Variants in AKT3 observed in about 807,000 individuals in gnomAD.
AKT3 encodes the protein RAC-gamma serine/threonine-protein kinase.
AKT3 carries 15 observed loss-of-function variants against 65.3 expected under a neutral mutation model. The ratio of observed to expected loss-of-function variants is 0.23; its 90% confidence interval spans 0.15 to 0.35. The LOEUF (loss-of-function observed/expected upper bound fraction) is 0.35. Ranked by LOEUF, AKT3 falls within the 10% of genes least tolerant of loss-of-function variation. AKT3 has a pLI of 1.00. For synonymous variants in AKT3, 206 were observed against 183.8 expected, an observed-to-expected ratio of 1.12 and a Z score of -0.98; for missense variants, 243 against 576.5, an observed-to-expected ratio of 0.42 and a Z score of 5.92.
intron 12 of AKT3, among the ~76,000 whole-genome samples, chr1:243,522,235 G>A (rs752303600): frequency 6.6e-6 from 1 of 152,148 alleles, no homozygotes; most frequent in Non-Finnish European, 1.5e-5. Flanking sequence ...TCAGCAGTGT[G>A]GCAGCCATTA....
chr1:243,526,779 TAAAAAAAAAA>T (rs1180642142), intron 12 of AKT3, among the ~76,000 whole-genome samples: 10 of 15,202 alleles, frequency 6.6e-4, no homozygotes, highest in African/African-American at 2.1e-3. Flanking sequence ...AAAAAATGGT[TAAAAAAAAAA>T]AAAAAAAAAA....
intron 2 of AKT3, among the ~76,000 whole-genome samples, chr1:243,715,549 T>C (rs1686455319): frequency 6.6e-6 from 1 of 152,088 alleles, no homozygotes. Context: ...AATCCTACTG[T>C]ATTAACAATG....
intron 1 of AKT3, among the ~76,000 whole-genome samples, chr1:243,848,928 A>T (rs2148488677): frequency 6.6e-6 from 1 of 152,354 alleles, no homozygotes; most frequent in East Asian, 1.9e-4. Context: ...TGATGGAAGA[A>T]ATGTGAGCAT....
At chr1:243,677,801 T>C (rs908157960) in intron 3 of AKT3, among the ~76,000 whole-genome samples, 17 of 152,188 alleles carry the variant, frequency 1.1e-4, no homozygotes, top group Admixed American at 4.6e-4. Flanking sequence ...AAATCAACTA[T>C]AGAGGGTAGG....
In AKT3 at chr1:243,539,233, C is replaced by G. The variant is rs568121119; in HGVS notation, c.1251+6277G>C. 2.6e-5 allele frequency among the ~76,000 whole-genome samples: 4 copies of G among 152,262 alleles called. No individual in the cohort carries two copies. In the South Asian group the frequency reaches 8.3e-4, roughly 32 times the overall value. ...AATCCCTCCTCTTCCTCCTCCTCCT[C>G]AGCCTACTTAACATGAAGACAACGA... On this transcript the variant is annotated intron_variant, in intron 12 of 13. Coordinates refer to ENST00000673466, the MANE Select transcript of AKT3 (RefSeq NM_005465.7).
intron 8 of AKT3, among the ~76,000 whole-genome samples, chr1:243,601,670 A>C (rs1677013051): frequency 6.6e-6 from 1 of 152,210 alleles, no homozygotes; most frequent in Non-Finnish European, 1.5e-5. Context: ...CCAAACGTCT[A>C]TCCAGGGGCA....
chr1:243,738,178 C>A (rs1029684620), intron 2 of AKT3, among the ~76,000 whole-genome samples: 16 of 152,148 alleles, frequency 1.1e-4, no homozygotes, highest in Admixed American at 3.9e-4. Flanking sequence ...AGCCAGCTAC[C>A]CTGACAACTG....
At chr1:243,698,593 T>C (rs1685211622) in intron 2 of AKT3, among the ~76,000 whole-genome samples, 1 of 152,032 alleles carries the variant, frequency 6.6e-6, no homozygotes, top group Admixed American at 6.6e-5. Context: ...AAAAGCTATT[T>C]AAAAATAAAT....
intron 6 of AKT3, among the ~76,000 whole-genome samples, chr1:243,622,941 T>C (rs146798555): frequency 1.4e-3 from 212 of 152,326 alleles, no homozygotes; most frequent in African/African-American, 4.7e-3. Context: ...GTTATTTTAA[T>C]GGACTTACGT....
chr1:243,635,262 A>T (rs1055919920), intron 6 of AKT3, among the ~76,000 whole-genome samples: 1 of 151,998 alleles, frequency 6.6e-6, no homozygotes, highest in African/African-American at 2.4e-5. Flanking sequence ...ACAGACTAAA[A>T]TTTATGGGAT....
intron 8 of AKT3, among the ~76,000 whole-genome samples, chr1:243,606,907 G>C (rs1345692131): frequency 1.3e-5 from 2 of 152,246 alleles, no homozygotes; most frequent in Admixed American, 1.3e-4. Context: ...GGCTAAAAGG[G>C]ACCAATGTAC....
intron 8 of AKT3, among the ~76,000 whole-genome samples, chr1:243,598,268 T>G (rs186783324): frequency 6.6e-6 from 1 of 152,164 alleles, no homozygotes; most frequent in Admixed American, 6.5e-5. Flanking sequence ...TTGGAAGTAT[T>G]AAAAATCATA....
At chr1:243,541,077 A>G (rs1672284598) in intron 12 of AKT3, among the ~76,000 whole-genome samples, 1 of 152,234 alleles carries the variant, frequency 6.6e-6, no homozygotes, top group Non-Finnish European at 1.5e-5. Context: ...AAATGTTCAC[A>G]GGGAGATATC....
chr1:243,715,191 G>A (rs1223367703), intron 2 of AKT3, among the ~76,000 whole-genome samples: 11 of 151,942 alleles, frequency 7.2e-5, no homozygotes, highest in Admixed American at 6.6e-4. Flanking sequence ...AGGAAATTGG[G>A]CATAATTACA....
chr1:243,686,064 C>G (rs1006177200), intron 3 of AKT3, among the ~76,000 whole-genome samples: 18 of 152,266 alleles, frequency 1.2e-4, no homozygotes, highest in African/African-American at 3.6e-4. Context: ...TGAAGGACCT[C>G]TTCACGGAAG....
At chr1:243,696,860 TTG>T (rs1685094197) in intron 2 of AKT3, among the ~76,000 whole-genome samples, 1 of 152,064 alleles carries the variant, frequency 6.6e-6, no homozygotes, top group Non-Finnish European at 1.5e-5. Context: ...CAGATTAATC[TTG>T]TGTGTACCAC....
At chr1:243,549,421 A>G (rs1366138414) in intron 11 of AKT3, among the ~76,000 whole-genome samples, 1 of 151,896 alleles carries the variant, frequency 6.6e-6, no homozygotes, top group East Asian at 1.9e-4. Context: ...TATCTGAACA[A>G]TTCCATAAAT....
chr1:243,775,838 C>G (rs73128284), intron 2 of AKT3, among the ~76,000 whole-genome samples: 12 of 152,208 alleles, frequency 7.9e-5, no homozygotes, highest in African/African-American at 2.9e-4. Context: ...GGTACTTCTG[C>G]TTTCCCAGGC....
chr1:243,676,346 A>G lies in AKT3; in HGVS notation c.173-11463T>C, dbSNP rs185205923. On this transcript the variant is annotated intron_variant, in intron 3 of 13. Coordinates refer to ENST00000673466, the MANE Select transcript of AKT3 (RefSeq NM_005465.7). ...AAGAAGCCCAGTGTAATTGGAGTCA[A>G]GTAAGTTAGGAAAAAAGGTAGGAGA... Among the ~76,000 whole-genome samples, 6 of 152,306 alleles carry G rather than the reference A, an allele frequency of 3.9e-5. No individual in the cohort carries two copies. The East Asian group carries it at 7.7e-4, about 20-fold the overall frequency.
Sources: allele counts gnomAD v4.1 joint callset (sites outside exome capture counted in the v4.1 genomes callset), GRCh38; gene constraint gnomAD v4.1.1; transcripts MANE v1.5; gene names NCBI Gene and HGNC (gene_info 2026-07-23, HGNC 2026-07-21).